Variants in STIM2 observed in about 807,000 individuals in gnomAD.
STIM2 encodes the protein stromal interaction molecule 2.
In STIM2, 31 loss-of-function variants were observed where a neutral mutation model predicts 85.8. That is an observed-to-expected ratio of 0.36 (90% CI 0.27 to 0.49). STIM2 has a LOEUF of 0.49. Among genes scored for constraint, STIM2 ranks in the 20% least tolerant of loss-of-function variants. The pLI is 0.98. For missense variants in STIM2, 841 were observed against 927.6 expected (o/e 0.91, Z 1.21); for synonymous variants, 356 against 331.1 (o/e 1.08, Z -0.82).
chr4:26,965,258 G>A lies in STIM2; in HGVS notation c.397+7532G>A, dbSNP rs143947130. 9.9e-5 allele frequency among the ~76,000 whole-genome samples: 15 copies of A among 152,216 alleles called. No individual in the cohort carries two copies. In the East Asian group the frequency reaches 2.1e-3, roughly 22 times the overall value. ...CTAACAAAAGGTCTTTAATAGTCCGGGTTTCTTCTGTGAAGAGAATAGGTG... is the reference window on the plus strand; with the variant it reads ...CTAACAAAAGGTCTTTAATAGTCCGAGTTTCTTCTGTGAAGAGAATAGGTG... On this transcript the variant is annotated intron_variant, in intron 3 of 11. Transcript: ENST00000467087.
chr4:27,015,207 T>C lies in STIM2; in HGVS notation c.1490-2504T>C, dbSNP rs1422861587. Among the ~76,000 whole-genome samples the C allele has an allele frequency of 3.9e-5, 6 of 152,134 alleles. No homozygotes were observed. The East Asian group carries it at 1.2e-3, about 29-fold the overall frequency. On this transcript the variant is annotated intron_variant, in intron 10 of 11. Coordinates refer to ENST00000467087, the MANE Select transcript of STIM2 (RefSeq NM_020860.4). The stretch of plus-strand genomic sequence containing the variant: ...CTGGAATCTTGTTTTGTGGTTTCTG[T>C]TTTTCACACCTTTTATCTTCTCTCA...
chr4:27,008,005 A>G (rs1728426872), intron 8 of STIM2: 3 of 717,322 alleles, frequency 4.2e-6, no homozygotes, highest in Non-Finnish European at 7.8e-6. Context: ...TATCTGATTC[A>G]GGTTAGTAGT....
chr4:27,009,899 C>T (rs577239919), intron 10 of STIM2, among the ~76,000 whole-genome samples: 11 of 152,312 alleles, frequency 7.2e-5, no homozygotes, highest in African/African-American at 2.2e-4. Flanking sequence ...TGAATTTCCT[C>T]CTTAAAATCC....
chr4:26,880,644 T>C (rs982330746), intron 1 of STIM2, among the ~76,000 whole-genome samples: 43 of 147,048 alleles, frequency 2.9e-4, no homozygotes, highest in Non-Finnish European at 5.7e-4. Flanking sequence ...AATATATATG[T>C]AAATATATAT....
chr4:26,931,277 C>G (rs765993893), intron 2 of STIM2, among the ~76,000 whole-genome samples: 29 of 152,066 alleles, frequency 1.9e-4, no homozygotes, highest in Non-Finnish European at 2.8e-4. Flanking sequence ...TTGCTGTATT[C>G]TACTCATGGG....
Position 27,002,897 on chromosome 4 carries a change from G to A in STIM2, c.804-30G>A, listed in dbSNP as rs753719198. 2.1e-5 allele frequency: 31 copies of A among 1,473,312 alleles called. 1 individual carries two copies. The South Asian group carries it at 4.3e-4, about 20-fold the overall frequency. 91.3% of individuals were successfully genotyped at this position (1,473,312 alleles called of 1,614,324 possible). ...AAAAAATAAAACTGGAAATTTTTGTGAGGAATTTTTATTTTTATTGTTCTA... is the reference window on the plus strand; with the variant it reads ...AAAAAATAAAACTGGAAATTTTTGTAAGGAATTTTTATTTTTATTGTTCTA... On this transcript the variant is annotated intron_variant, in intron 6 of 11. Transcript: ENST00000467087.
intron 3 of STIM2, among the ~76,000 whole-genome samples, chr4:26,963,475 G>A (rs570977750): frequency 0.017 from 2,572 of 152,168 alleles, 36 homozygotes; most frequent in Non-Finnish European, 0.027. Context: ...ATCTAATAAG[G>A]TAGTGTTATC....
At position 26,861,053 on chromosome 4, in the gene STIM2, G is replaced by T; in HGVS notation, c.-166G>T. The T allele has an allele frequency of 8.4e-7, 1 of 1,189,142 alleles. No homozygotes were observed. 73.7% of individuals were successfully genotyped at this position (1,189,142 alleles called of 1,614,324 possible). On this transcript the variant is annotated 5_prime_UTR_variant, in exon 1 of 12. Coordinates refer to ENST00000467087, the MANE Select transcript of STIM2 (RefSeq NM_020860.4). The stretch of plus-strand genomic sequence containing the variant: ...GCCCGTGTCTGAGGCGGCGGGGGCG[G>T]CCGGAGGAGTCGCCGGCGGCGGTGG...
chr4:26,940,191 G>A (rs1725555971), intron 2 of STIM2, among the ~76,000 whole-genome samples: 1 of 152,136 alleles, frequency 6.6e-6, no homozygotes, highest in Non-Finnish European at 1.5e-5. Context: ...ATGTTGTTGA[G>A]GATAGGATTG....
Position 26,921,373 on chromosome 4 carries a change from C to T in STIM2, c.282+1739C>T, listed in dbSNP as rs971829160. Among the ~76,000 whole-genome samples the T allele has an allele frequency of 9.9e-5, 15 of 152,178 alleles. 1 individual carries two copies. Among genetic ancestry groups the T allele is most frequent in the African/African-American group, 3.6e-4 (15 of 41,436 alleles). ...GTGGTAAGCCATCCAATTTATGGTA[C>T]TTTATTATGGCAGTACTATAATGAA... is the stretch of plus-strand genomic sequence containing the variant. On this transcript the variant is annotated intron_variant, in intron 2 of 11. Transcript: ENST00000467087.
chr4:26,975,971 C>T (rs928011314), intron 3 of STIM2, among the ~76,000 whole-genome samples: 1 of 152,236 alleles, frequency 6.6e-6, no homozygotes, highest in African/African-American at 2.4e-5. Context: ...CACCCCTCCC[C>T]AAGCCAGGCT....
At chr4:26,967,824 C>G (rs979468253) in intron 3 of STIM2, among the ~76,000 whole-genome samples, 4 of 152,120 alleles carry the variant, frequency 2.6e-5, no homozygotes, top group African/African-American at 9.7e-5. Context: ...TTCCCCCTCC[C>G]CCCTCCTCCA....
intron 1 of STIM2, among the ~76,000 whole-genome samples, chr4:26,862,513 G>T (rs975490517): frequency 1.3e-5 from 2 of 152,138 alleles, no homozygotes; most frequent in African/African-American, 2.4e-5. Context: ...ATTCTTTAAA[G>T]CCAAGCAGTT....
chr4:26,932,166 G>A (rs1288716866), intron 2 of STIM2, among the ~76,000 whole-genome samples: 1 of 152,188 alleles, frequency 6.6e-6, no homozygotes, highest in Non-Finnish European at 1.5e-5. Flanking sequence ...TTACAAGCTT[G>A]TAAATGATAG....
At chr4:26,861,695 A>ATTTTTTTTTT (rs57976994) in intron 1 of STIM2, 1 of 123,992 alleles carries the variant, frequency 8.1e-6, no homozygotes, top group African/African-American at 3.1e-5. Context: ...GACTGGGCTG[A>ATTTTTTTTTT]TTTTTTTTTT....
chr4:26,996,993 A>T (rs1167358407), intron 4 of STIM2, among the ~76,000 whole-genome samples: 1 of 152,186 alleles, frequency 6.6e-6, no homozygotes, highest in Non-Finnish European at 1.5e-5. Flanking sequence ...TGTCAAGATC[A>T]ACTCCTTAAA....
chr4:27,021,294 GT>G, intron 11 of STIM2: 2 of 451,918 alleles, frequency 4.4e-6, no homozygotes, highest in Non-Finnish European at 8.2e-6. Context: ...ATCATTTTAG[GT>G]TTTGGTAAGT....
rs1328871866 is a variant in STIM2 at position 27,002,225 on chromosome 4, C to T, written c.634C>T (p.His212Tyr). Residue 212 changes from histidine to tyrosine, a missense_variant, in exon 6 of 12, where the codon CAT becomes TAT. Physicochemically the swap from His to Tyr is moderately conservative, Grantham distance 83 (BLOSUM62 2). Around this residue, in one of 3 missense-constraint regions of STIM2, gnomAD observed 408 missense variants for 525.4 expected, o/e 0.78. Transcript: ENST00000467087. ...TGTAATTCTTTTAATAGGCCCACCT[C>T]ATAACTGGATGAAAGATTTTATCCT... The T allele has an allele frequency of 6.2e-7, 1 of 1,607,842 alleles. No homozygotes were observed. Among genetic ancestry groups the T allele is most frequent in the South Asian group, 1.1e-5 (1 of 89,528 alleles).
intron 1 of STIM2, among the ~76,000 whole-genome samples, chr4:26,880,813 A>AT (rs1722990531): frequency 6.6e-6 from 1 of 151,064 alleles, no homozygotes; most frequent in Non-Finnish European, 1.5e-5. Flanking sequence ...TTTAGAAGTG[A>AT]TTTTTTTCAA....
Sources: allele counts gnomAD v4.1 joint callset (sites outside exome capture counted in the v4.1 genomes callset), GRCh38; gene constraint gnomAD v4.1.1; regional missense constraint gnomAD v4.1.1; transcripts MANE v1.5; gene names NCBI Gene and HGNC (gene_info 2026-07-23, HGNC 2026-07-21).